The following SLIT3 variants were observed in gnomAD, a reference collection of about 807,000 sequenced individuals.
SLIT3 encodes slit guidance ligand 3.
Under a neutral mutation model 184.0 loss-of-function variants are expected in SLIT3, and 68 were observed. That is an observed-to-expected ratio of 0.37 (90% CI 0.30 to 0.45). The LOEUF (loss-of-function observed/expected upper bound fraction) is 0.45. SLIT3 is among the 20% of genes least tolerant of loss of function. The pLI is 1.00. For missense variants in SLIT3, 1,707 were observed against 2,026.0 expected, an observed-to-expected ratio of 0.84 and a Z score of 3.02; for synonymous variants, 831 against 828.6, an observed-to-expected ratio of 1.00 and a Z score of -0.05.
intron 6 of SLIT3, among the ~76,000 whole-genome samples, chr5:168,841,985 T>A (rs1758269817): frequency 6.6e-6 from 1 of 152,230 alleles, no homozygotes. Context: ...CAGAAATTTA[T>A]CAAGCTAATG....
At chr5:168,878,079 T>G (rs1293797924) in intron 5 of SLIT3, among the ~76,000 whole-genome samples, 1 of 152,046 alleles carries the variant, frequency 6.6e-6, no homozygotes, top group Non-Finnish European at 1.5e-5. Flanking sequence ...CATACTGGAG[T>G]GGTGAGTGTT....
chr5:169,157,627 CATAATACTCAAA>C (rs1428413214), intron 4 of SLIT3, among the ~76,000 whole-genome samples: 1 of 152,148 alleles, frequency 6.6e-6, no homozygotes, highest in Non-Finnish European at 1.5e-5. Context: ...AGTCGCACAA[CATAATACTCAAA>C]ATGTCCAGTT....
chr5:168,691,237 G>A (rs1761897157), intron 29 of SLIT3, among the ~76,000 whole-genome samples: 1 of 152,188 alleles, frequency 6.6e-6, no homozygotes, highest in Admixed American at 6.5e-5. Context: ...TGGGTGGGCT[G>A]GCTGGAGCAA....
intron 32 of SLIT3, among the ~76,000 whole-genome samples, chr5:168,680,945 G>A (rs1370527075): frequency 3.3e-5 from 5 of 152,200 alleles, no homozygotes; most frequent in Admixed American, 2.6e-4. Flanking sequence ...CAGCCCAGGA[G>A]TTCAAGACCA....
At chr5:169,032,867 C>G (rs1757083548) in intron 4 of SLIT3, among the ~76,000 whole-genome samples, 2 of 150,478 alleles carry the variant, frequency 1.3e-5, no homozygotes, top group South Asian at 4.2e-4. Context: ...AAAAAAGATA[C>G]CACAGTGAAG....
intron 5 of SLIT3, among the ~76,000 whole-genome samples, chr5:168,855,384 A>T (rs1420868771): frequency 1.3e-5 from 2 of 152,236 alleles, no homozygotes; most frequent in Non-Finnish European, 2.9e-5. Flanking sequence ...AGCCAAAAGA[A>T]TTAAAAACAG....
intron 5 of SLIT3, among the ~76,000 whole-genome samples, chr5:168,854,418 T>C (rs1331715908): frequency 6.6e-6 from 1 of 152,206 alleles, no homozygotes; most frequent in Non-Finnish European, 1.5e-5. Context: ...CTCAGATTCC[T>C]TGGGAGTCCC....
At chr5:169,199,009 T>TACACACAC (rs562637290) in intron 3 of SLIT3, among the ~76,000 whole-genome samples, 6 of 146,380 alleles carry the variant, frequency 4.1e-5, no homozygotes, top group Admixed American at 1.4e-4. Flanking sequence ...TATATATAAA[T>TACACACAC]ACACACACAC....
intron 1 of SLIT3, among the ~76,000 whole-genome samples, chr5:169,268,481 G>T (rs1766477922): frequency 6.6e-6 from 1 of 152,220 alleles, no homozygotes; most frequent in African/African-American, 2.4e-5. Flanking sequence ...CCAATTTCCA[G>T]ATCAAGGCTC....
At chr5:169,204,092 G>A (rs1300983781) in intron 3 of SLIT3, among the ~76,000 whole-genome samples, 3 of 152,042 alleles carry the variant, frequency 2.0e-5, no homozygotes, top group Admixed American at 6.6e-5. Context: ...TGGGCTACAC[G>A]AGCCAGAGAG....
intron 5 of SLIT3, among the ~76,000 whole-genome samples, chr5:168,875,607 C>G (rs1759704384): frequency 6.6e-6 from 1 of 151,154 alleles, no homozygotes; most frequent in South Asian, 2.1e-4. Flanking sequence ...GCACCCCGGC[C>G]TGGGCAACAA....
intron 3 of SLIT3, among the ~76,000 whole-genome samples, chr5:169,215,767 ATGAT>A (rs1764414575): frequency 6.6e-6 from 1 of 152,222 alleles, no homozygotes; most frequent in Non-Finnish European, 1.5e-5. Context: ...GAATAAATAA[ATGAT>A]ACATTTCAAA....
intron 4 of SLIT3, among the ~76,000 whole-genome samples, chr5:168,995,061 C>T (rs548100446): frequency 1.4e-4 from 21 of 152,286 alleles, no homozygotes; most frequent in African/African-American, 4.6e-4. Flanking sequence ...AATCTGGTGT[C>T]TTGCCTAAGA....
chr5:168,864,285 T>G (rs2113754326), intron 5 of SLIT3, among the ~76,000 whole-genome samples: 1 of 152,298 alleles, frequency 6.6e-6, no homozygotes, highest in Admixed American at 6.5e-5. Context: ...GCACCTAGTT[T>G]TCTCATTTAT....
intron 4 of SLIT3, among the ~76,000 whole-genome samples, chr5:168,920,086 G>T (rs2113120122): frequency 6.6e-6 from 1 of 152,278 alleles, no homozygotes; most frequent in South Asian, 2.1e-4. Context: ...CTAGCACCTT[G>T]CATTGCTGAA....
intron 4 of SLIT3, among the ~76,000 whole-genome samples, chr5:168,890,578 T>G (rs1024100106): frequency 2.6e-5 from 4 of 152,248 alleles, no homozygotes; most frequent in Non-Finnish European, 4.4e-5. Context: ...ATTGTGGTTA[T>G]GTTTTCTTTC....
At chr5:169,198,967 C>T (rs1763827054) in intron 3 of SLIT3, among the ~76,000 whole-genome samples, 1 of 147,714 alleles carries the variant, frequency 6.8e-6, no homozygotes, top group South Asian at 2.2e-4. Context: ...CACACACACA[C>T]ACACACACAT....
chr5:169,292,407 T>G (rs543703964), intron 1 of SLIT3, among the ~76,000 whole-genome samples: 1 of 152,312 alleles, frequency 6.6e-6, no homozygotes, highest in African/African-American at 2.4e-5. Flanking sequence ...AGAGAAAATT[T>G]AGCAAGCTGA....
intron 4 of SLIT3, among the ~76,000 whole-genome samples, chr5:169,092,736 G>A (rs982214425): frequency 1.5e-4 from 23 of 152,330 alleles, no homozygotes; most frequent in Non-Finnish European, 2.4e-4. Context: ...ACCAGTGGTG[G>A]CAGTGCCCTT....
Sources: allele counts gnomAD v4.1 joint callset (sites outside exome capture counted in the v4.1 genomes callset), GRCh38; gene constraint gnomAD v4.1.1; transcripts MANE v1.5; gene names NCBI Gene and HGNC (gene_info 2026-07-23, HGNC 2026-07-21).